CLYBL: variants seen among roughly 807,000 people sequenced by gnomAD.
CLYBL encodes the protein citramalyl-CoA lyase, mitochondrial.
Under a neutral mutation model 38.9 loss-of-function variants are expected in CLYBL, and 31 were observed. The observed-to-expected ratio is 0.80, with a 90% CI of 0.60 to 1.08. The LOEUF is 1.08. CLYBL is among the 50% of genes least tolerant of loss of function. The probability of loss-of-function intolerance (pLI) is 0.00; values close to 1 mark genes in which losing one functional copy is unlikely to be tolerated. For missense variants in CLYBL, 434 were observed against 411.6 expected (o/e 1.05, Z -0.47); for synonymous variants, 171 against 158.6 (o/e 1.08, Z -0.59).
At chr13:99,661,162 C>G (rs1032697853) in intron 1 of CLYBL, among the ~76,000 whole-genome samples, 1 of 151,680 alleles carries the variant, frequency 6.6e-6, no homozygotes, top group Non-Finnish European at 1.5e-5. Flanking sequence ...TGTTGATTAC[C>G]AAGTTATTTG....
At chr13:99,607,115 C>A (rs1212133281) in intron 1 of CLYBL, among the ~76,000 whole-genome samples, 1 of 152,188 alleles carries the variant, frequency 6.6e-6, no homozygotes, top group Middle Eastern at 3.2e-3. Flanking sequence ...TTTAACACAG[C>A]GGTTCCCAAA....
In CLYBL at chr13:99,606,768, G is replaced by T; in HGVS notation, c.62+11G>T. Reference sequence around the variant, plus strand: ...GGCGCTGCTGAGGCTGTGAGTGCAGGTCCCCGTTCCCCGCCTTCCCGGCCC... The same window carrying T: ...GGCGCTGCTGAGGCTGTGAGTGCAGTTCCCCGTTCCCCGCCTTCCCGGCCC... On this transcript the variant is annotated intron_variant, in intron 1 of 8. Transcript: ENST00000339105. The T allele has an allele frequency of 4.2e-6, 6 of 1,422,830 alleles. No individual in the cohort carries two copies. The highest frequency in any genetic ancestry group is 4.6e-6 in the Non-Finnish European group (5 of 1,091,428). The allele number at this position is 1,422,830 out of a possible 1,614,324, so 88.1% of individuals were successfully genotyped here.
chr13:99,803,812 G>T (rs763521999), intron 2 of CLYBL, among the ~76,000 whole-genome samples: 1 of 152,146 alleles, frequency 6.6e-6, no homozygotes, highest in African/African-American at 2.4e-5. Flanking sequence ...GTAGTTCACC[G>T]TCTAGTATGG....
intron 1 of CLYBL, among the ~76,000 whole-genome samples, chr13:99,651,813 T>C (rs2047257569): frequency 1.3e-5 from 2 of 151,868 alleles, no homozygotes; most frequent in Non-Finnish European, 2.9e-5. Context: ...GTGCCTGTAA[T>C]CCCAGCTACT....
At chr13:99,779,019 A>G (rs918615525) in intron 2 of CLYBL, among the ~76,000 whole-genome samples, 3 of 152,228 alleles carry the variant, frequency 2.0e-5, no homozygotes, top group African/African-American at 7.2e-5. Context: ...ATGGTGGCAG[A>G]TCCCCAACCT....
At chr13:99,718,296 G>A (rs1452532741) in intron 1 of CLYBL, among the ~76,000 whole-genome samples, 13 of 151,802 alleles carry the variant, frequency 8.6e-5, no homozygotes, top group South Asian at 2.1e-4. Context: ...TAGCCTGTCC[G>A]GACCAGGTGC....
In CLYBL at chr13:99,819,467, T is replaced by TAA. The variant is rs58025465; in HGVS notation, c.250-39393_250-39392dup. Reference sequence around the variant, plus strand: ...ATATATATATATATATATATATATATAATATTTGTCAGGGTTGTCTGGGGG... The same window carrying TAA: ...ATATATATATATATATATATATATATAAAATATTTGTCAGGGTTGTCTGGGGG... On this transcript the variant is annotated intron_variant, in intron 2 of 8. Coordinates refer to ENST00000339105, the MANE Select transcript of CLYBL (RefSeq NM_206808.5). Among the ~76,000 whole-genome samples the TAA allele has an allele frequency of 6.6e-4, 37 of 55,678 alleles. 3 individuals are homozygous for TAA. The highest frequency in any genetic ancestry group is 2.2e-3 in the African/African-American group (27 of 12,054). 36.5% of individuals were successfully genotyped at this position (55,678 alleles called of 152,430 possible).
At chr13:99,768,494 CTT>C (rs779750350) in intron 1 of CLYBL, among the ~76,000 whole-genome samples, 1 of 84,892 alleles carries the variant, frequency 1.2e-5, no homozygotes, top group Non-Finnish European at 2.2e-5. Context: ...CGCCCGACCT[CTT>C]TTTTTTTTTT....
chr13:99,799,241 T>C lies in CLYBL; in HGVS notation c.249+26231T>C, dbSNP rs1035223994. On this transcript the variant is annotated intron_variant, in intron 2 of 8. Transcript: ENST00000339105. The stretch of plus-strand genomic sequence containing the variant: ...AGAATTATAGAGCTGGAAAGAACTT[T>C]GACATTTATTTAATTTTTATAGTCC... 3.9e-5 allele frequency among the ~76,000 whole-genome samples: 6 copies of C among 152,266 alleles called. No homozygotes were observed. In the East Asian group the frequency reaches 1.2e-3, roughly 29 times the overall value.
chr13:99,775,002 C>G (rs2049482018), intron 2 of CLYBL, among the ~76,000 whole-genome samples: 1 of 152,110 alleles, frequency 6.6e-6, no homozygotes, highest in African/African-American at 2.4e-5. Flanking sequence ...ACAATATCTT[C>G]TTTTGTCAGG....
At chr13:99,716,169 ATTTTTTTTTTTTTTTTTTTTTT>A (rs4001024) in intron 1 of CLYBL, among the ~76,000 whole-genome samples, 6 of 33,434 alleles carry the variant, frequency 1.8e-4, no homozygotes, top group African/African-American at 2.0e-4. Context: ...TATTGGTGTA[ATTTTTTTTTTTTTTTTTTTTTT>A]TTTTTTTTTT....
At position 99,906,472 on chromosome 13, in the gene CLYBL, G is replaced by T. The variant is rs7995068; in HGVS notation, c.*160+1067G>T. ...CTTTTTTGAGACAAAGTCTTGCTCGGTCACCCAGTGGCGCGATCTCGGCTC... is the reference window on the plus strand; with the variant it reads ...CTTTTTTGAGACAAAGTCTTGCTCGTTCACCCAGTGGCGCGATCTCGGCTC... On this transcript the variant is annotated intron_variant and NMD_transcript_variant, in intron 9 of 9. Transcript: ENST00000689673. Among the ~76,000 whole-genome samples the T allele has an allele frequency of 5.1e-3, 776 of 151,630 alleles. 3 individuals carry two copies. Among genetic ancestry groups the T allele is most frequent in the African/African-American group, 0.018 (724 of 41,320 alleles).
At chr13:99,841,965 A>G (rs1446779313) in intron 2 of CLYBL, among the ~76,000 whole-genome samples, 4 of 151,110 alleles carry the variant, frequency 2.6e-5, no homozygotes, top group Non-Finnish European at 5.9e-5. Flanking sequence ...ACAGGTGCAC[A>G]CCACCACACC....
intron 2 of CLYBL, among the ~76,000 whole-genome samples, chr13:99,789,145 C>T (rs1448419734): frequency 6.6e-6 from 1 of 152,136 alleles, no homozygotes; most frequent in African/African-American, 2.4e-5. Flanking sequence ...TTTCAAAAAA[C>T]CAGCTCGTGG....
At chr13:99,794,816 T>A (rs947462431) in intron 2 of CLYBL, among the ~76,000 whole-genome samples, 7 of 152,070 alleles carry the variant, frequency 4.6e-5, no homozygotes, top group Non-Finnish European at 1.0e-4. Flanking sequence ...GATCTAGAAC[T>A]CCTGACCTCA....
At chr13:99,679,162 C>T (rs1291401271) in intron 1 of CLYBL, among the ~76,000 whole-genome samples, 5 of 151,662 alleles carry the variant, frequency 3.3e-5, no homozygotes, top group Non-Finnish European at 7.4e-5. Context: ...GGTGTGGTGG[C>T]GGGCGCCTGT....
chr13:99,763,744 G>A (rs371118111), intron 1 of CLYBL, among the ~76,000 whole-genome samples: 31 of 151,842 alleles, frequency 2.0e-4, no homozygotes, highest in African/African-American at 6.8e-4. Flanking sequence ...CAGTAGAGAC[G>A]GAGTTTCATC....
chr13:99,740,408 G>C (rs772613999), intron 1 of CLYBL, among the ~76,000 whole-genome samples: 1 of 152,176 alleles, frequency 6.6e-6, no homozygotes. Flanking sequence ...CCACTCACTC[G>C]CTGGCTTGGA....
At chr13:99,627,110 G>A (rs1316681094) in intron 1 of CLYBL, among the ~76,000 whole-genome samples, 3 of 151,732 alleles carry the variant, frequency 2.0e-5, no homozygotes, top group East Asian at 1.9e-4. Flanking sequence ...TTTTTAATCC[G>A]ACACTTTTGA....
Sources: allele counts gnomAD v4.1 joint callset (sites outside exome capture counted in the v4.1 genomes callset), GRCh38; gene constraint gnomAD v4.1.1; transcripts MANE v1.5; gene names NCBI Gene and HGNC (gene_info 2026-07-23, HGNC 2026-07-21).